Variants in CFAP47 observed in about 807,000 individuals in gnomAD.
The protein encoded by CFAP47 is cilia- and flagella-associated protein 47.
CFAP47 carries 29 observed loss-of-function variants against 148.1 expected under a neutral mutation model. The ratio of observed to expected loss-of-function variants is 0.20; its 90% CI spans 0.15 to 0.27. The LOEUF (loss-of-function observed/expected upper bound fraction) is 0.27. Among genes scored for constraint, CFAP47 ranks in the 10% least tolerant of loss-of-function variants. CFAP47 has a pLI of 1.00. For synonymous variants in CFAP47, 664 were observed against 577.3 expected, an observed-to-expected ratio of 1.15 and a Z score of -2.15; for missense variants, 1,872 against 1,697.5, an observed-to-expected ratio of 1.10 and a Z score of -1.81.
intron 49 of CFAP47, among the ~76,000 whole-genome samples, chrX:36,265,425 G>A (rs1940879346): frequency 8.9e-6 from 1 of 111,733 alleles, no homozygotes; most frequent in Non-Finnish European, 1.9e-5. Context: ...GCTCTGGCTA[G>A]GACTTCCAGT....
intron 10 of CFAP47, among the ~76,000 whole-genome samples, chrX:35,969,907 GT>G (rs751602644): frequency 2.7e-5 from 3 of 110,620 alleles, no homozygotes; most frequent in African/African-American, 9.8e-5. Context: ...TCATACTTAT[GT>G]TTTTTTTCTT....
intron 60 of CFAP47, among the ~76,000 whole-genome samples, chrX:36,354,128 T>C (rs1254935491): frequency 8.9e-6 from 1 of 111,769 alleles, no homozygotes; most frequent in Non-Finnish European, 1.9e-5. Flanking sequence ...CAAATAAAGT[T>C]TGTATAATAA....
intron 51 of CFAP47, among the ~76,000 whole-genome samples, chrX:36,287,216 ATTATT>A (rs1941142854): frequency 8.9e-6 from 1 of 112,145 alleles, no homozygotes; most frequent in African/African-American, 3.2e-5. Flanking sequence ...TCAGGAATAT[ATTATT>A]TTAATAAATA....
intron 2 of CFAP47, among the ~76,000 whole-genome samples, chrX:35,934,598 A>G (rs1422988462): frequency 9.0e-6 from 1 of 110,739 alleles, no homozygotes; most frequent in Non-Finnish European, 1.9e-5. Context: ...CAACCCTTTT[A>G]CTTTTCCCTC....
chrX:36,154,917 T>C (rs66988135), intron 37 of CFAP47, among the ~76,000 whole-genome samples: 11,380 of 109,554 alleles, frequency 0.1, 1,209 homozygotes, highest in African/African-American at 0.31. Flanking sequence ...CACTTCTCAA[T>C]ACTAATTTGC....
At chrX:36,075,078 G>A (rs371116390) in intron 29 of CFAP47, among the ~76,000 whole-genome samples, 1 of 110,626 alleles carries the variant, frequency 9.0e-6, no homozygotes, top group African/African-American at 3.3e-5. Flanking sequence ...AATAAACCTG[G>A]GAGTGATTAT....
intron 62 of CFAP47, chrX:36,375,124 C>T: frequency 2.9e-6 from 1 of 349,942 alleles, no homozygotes; most frequent in Non-Finnish European, 5.3e-6. Context: ...TGGCGTTTGC[C>T]TCTCTTTTCT....
intron 30 of CFAP47, 68 bp downstream of exon 30, chrX:36,085,606 A>G: frequency 1.7e-6 from 1 of 595,973 alleles, no homozygotes. Flanking sequence ...ATGAACAGAT[A>G]GATAGACTTT....
intron 49 of CFAP47, 90 bp downstream of exon 49, chrX:36,251,534 C>T (rs1940692910): frequency 2.7e-6 from 1 of 373,473 alleles, no homozygotes; most frequent in African/African-American, 2.6e-5. Context: ...ATTTGTATTT[C>T]CACTTTCTAT....
At chrX:35,948,159 G>A (rs903778624) in intron 3 of CFAP47, among the ~76,000 whole-genome samples, 155 bp from the exon 4 acceptor site, 1 of 112,029 alleles carries the variant, frequency 8.9e-6, no homozygotes, top group Non-Finnish European at 1.9e-5. Flanking sequence ...TTTGTGTTGG[G>A]CTGCATTCAA....
chrX:36,383,177 T>A lies in CFAP47; in HGVS notation c.9355-1620T>A, dbSNP rs186818676. Among the ~76,000 whole-genome samples, 105 of 111,962 alleles carry A rather than the reference T, an allele frequency of 9.4e-4. 2 individuals carry two copies. The East Asian group carries it at 0.02, about 21-fold the overall frequency. On this transcript the variant is annotated intron_variant, in intron 63 of 63. Transcript: ENST00000378653. ...AGCATCACTTATTGTAAAATTTAAA[T>A]CTTAATTGAATTTCAATAAATGTAA...
intron 24 of CFAP47, among the ~76,000 whole-genome samples, chrX:36,038,227 A>G (rs1937361174): frequency 8.9e-6 from 1 of 111,934 alleles, no homozygotes; most frequent in African/African-American, 3.2e-5. Context: ...TGATGGCCCC[A>G]ATCTTTGCTA....
chrX:36,019,093 T>TG (rs745929090), intron 22 of CFAP47, among the ~76,000 whole-genome samples: 1 of 111,353 alleles, frequency 9.0e-6, no homozygotes. Context: ...GCACCAGTTG[T>TG]GGGGGGGTCT....
intron 21 of CFAP47, among the ~76,000 whole-genome samples, chrX:36,005,594 A>G (rs894012107): frequency 8.9e-5 from 10 of 111,809 alleles, no homozygotes; most frequent in Non-Finnish European, 1.7e-4. Flanking sequence ...ATGACACTCT[A>G]TGTAGGTTAT....
At chrX:36,306,975 A>G (rs1556008982) in intron 55 of CFAP47, 99 bp downstream of exon 55, 1 of 353,438 alleles carries the variant, frequency 2.8e-6, no homozygotes, top group Non-Finnish European at 4.6e-6. Context: ...CATATTTTGC[A>G]AGTAAAACAA....
chrX:36,234,128 G>A lies in CFAP47; in HGVS notation c.7015-1806G>A, dbSNP rs782297903. 6.1e-3 allele frequency among the ~76,000 whole-genome samples: 661 copies of A among 108,237 alleles called. 4 individuals are homozygous for A. The highest frequency in any genetic ancestry group is 0.014 in the Middle Eastern group (3 of 217). The allele number at this position is 108,237 out of a possible 115,157, so 94.0% of individuals were successfully genotyped here. A position where few individuals can be genotyped will look rare whatever the true frequency, so the allele number is the denominator to read the frequency against. ...TCTTCTCGAGGAGTATCTTTGTGGC[G>A]TTCTCTGTATTTCCTGAATCTGAAT... On this transcript the variant is annotated intron_variant, in intron 46 of 63. Transcript: ENST00000378653.
intron 7 of CFAP47, among the ~76,000 whole-genome samples, chrX:35,954,732 T>A (rs937023670): frequency 8.9e-6 from 1 of 112,304 alleles, no homozygotes; most frequent in Non-Finnish European, 1.9e-5. Context: ...GTTATCATCT[T>A]TCTGGTTTCC....
intron 21 of CFAP47, among the ~76,000 whole-genome samples, chrX:36,004,258 T>G (rs890165892): frequency 1.1e-3 from 125 of 110,984 alleles, no homozygotes; most frequent in Middle Eastern, 9.3e-3. Flanking sequence ...ATTACAGGCG[T>G]GAGCCACTGC....
intron 63 of CFAP47, among the ~76,000 whole-genome samples, chrX:36,380,631 G>A (rs1390508544): frequency 9.0e-6 from 1 of 111,386 alleles, no homozygotes; most frequent in African/African-American, 3.3e-5. Flanking sequence ...TTTTGGTAGA[G>A]ATGTGGTTTC....
Sources: allele counts gnomAD v4.1 joint callset (sites outside exome capture counted in the v4.1 genomes callset), GRCh38; gene constraint gnomAD v4.1.1; transcripts MANE v1.5; gene names NCBI Gene and HGNC (gene_info 2026-07-23, HGNC 2026-07-21).